The following CTBP2 variants were observed in gnomAD, a reference collection of about 807,000 sequenced individuals.
CTBP2 encodes C-terminal-binding protein 2.
Under a neutral mutation model 80.3 loss-of-function variants are expected in CTBP2, and 30 were observed. The ratio of observed to expected loss-of-function variants is 0.37; its 90% CI spans 0.28 to 0.51. The LOEUF is 0.51. Ranked by LOEUF, CTBP2 falls within the 20% of genes least tolerant of loss-of-function variation. The probability of loss-of-function intolerance (pLI) is 0.93; values close to 1 mark genes in which losing one functional copy is unlikely to be tolerated. For synonymous variants in CTBP2, 594 were observed against 587.4 expected (o/e 1.01, Z -0.16); for missense variants, 1,212 against 1,375.3 (o/e 0.88, Z 1.88).
chr10:125,021,747 T>A (rs1219677803), intron 1 of CTBP2, among the ~76,000 whole-genome samples: 1 of 152,100 alleles, frequency 6.6e-6, no homozygotes, highest in Non-Finnish European at 1.5e-5. Flanking sequence ...AGGGGCACAC[T>A]GAATGCAGGG....
intron 1 of CTBP2, among the ~76,000 whole-genome samples, chr10:125,022,170 G>A (rs1324097799): frequency 1.3e-5 from 2 of 152,158 alleles, no homozygotes; most frequent in African/African-American, 2.4e-5. Context: ...GCGGTGCTGA[G>A]CTCTGCCCTT....
intron 2 of CTBP2, among the ~76,000 whole-genome samples, chr10:125,049,046 G>GACACACAC (rs1178000125): frequency 0.024 from 2,194 of 89,594 alleles, 70 homozygotes; most frequent in East Asian, 0.045. Flanking sequence ...CCTGACCACA[G>GACACACAC]ACACACACAC....
At chr10:125,099,382 A>C (rs1850252903) in intron 2 of CTBP2, among the ~76,000 whole-genome samples, 1 of 152,216 alleles carries the variant, frequency 6.6e-6, no homozygotes, top group African/African-American at 2.4e-5. Context: ...TGGCTGGACC[A>C]TTCTGGGCCC....
chr10:125,110,682 C>A (rs1852159185), intron 2 of CTBP2, among the ~76,000 whole-genome samples: 1 of 152,128 alleles, frequency 6.6e-6, no homozygotes, highest in Non-Finnish European at 1.5e-5. Flanking sequence ...AACACTATTT[C>A]CATTCTGACT....
chr10:125,095,791 AG>A (rs1564906769), intron 2 of CTBP2, among the ~76,000 whole-genome samples: 1 of 152,232 alleles, frequency 6.6e-6, no homozygotes, highest in Admixed American at 6.5e-5. Context: ...CAGTTTCTGT[AG>A]GAAGTAGTAG....
intron 2 of CTBP2, among the ~76,000 whole-genome samples, chr10:125,041,463 CG>C (rs922610824): frequency 2.8e-5 from 4 of 145,036 alleles, no homozygotes; most frequent in Admixed American, 7.2e-5. Context: ...GGAGTGGGGG[CG>C]GGGGGCCAAA....
intron 3 of CTBP2, among the ~76,000 whole-genome samples, chr10:125,001,974 G>C (rs560474968): frequency 1.3e-5 from 2 of 152,298 alleles, no homozygotes; most frequent in South Asian, 2.1e-4. Flanking sequence ...CTCACACACA[G>C]AGCCCATCTG....
At chr10:125,093,158 C>T (rs1255593177) in intron 2 of CTBP2, among the ~76,000 whole-genome samples, 2 of 152,220 alleles carry the variant, frequency 1.3e-5, no homozygotes, top group South Asian at 2.1e-4. Context: ...ATCCATCCTG[C>T]GTGCTTTCTA....
chr10:125,016,619 G>A (rs1244660783), intron 1 of CTBP2, among the ~76,000 whole-genome samples: 1 of 152,216 alleles, frequency 6.6e-6, no homozygotes, highest in Non-Finnish European at 1.5e-5. Context: ...CTCGTTTTTC[G>A]AGTGGTCCTA....
intron 1 of CTBP2, among the ~76,000 whole-genome samples, chr10:125,118,744 C>T (rs1044901597): frequency 7.9e-5 from 12 of 152,018 alleles, no homozygotes; most frequent in South Asian, 2.1e-4. Context: ...GGATGGGGAA[C>T]GCTTAAAATC....
intron 1 of CTBP2, among the ~76,000 whole-genome samples, chr10:125,112,181 C>T (rs1035925022): frequency 1.0e-4 from 15 of 147,776 alleles, no homozygotes; most frequent in African/African-American, 3.5e-4. Flanking sequence ...GGCGCGATCT[C>T]GGCTCACTGC....
At chr10:125,043,594 C>T (rs1365488394) in intron 2 of CTBP2, among the ~76,000 whole-genome samples, 3 of 152,198 alleles carry the variant, frequency 2.0e-5, no homozygotes, top group South Asian at 4.1e-4. Context: ...GCCGCCACCA[C>T]GCCCGGCTAC....
At chr10:125,074,332 C>T (rs1423472258) in intron 2 of CTBP2, among the ~76,000 whole-genome samples, 1 of 152,190 alleles carries the variant, frequency 6.6e-6, no homozygotes, top group Non-Finnish European at 1.5e-5. Flanking sequence ...GGGATGCACC[C>T]TCTGCAGTGA....
chr10:125,008,121 T>A (rs1955464102), intron 1 of CTBP2, among the ~76,000 whole-genome samples: 1 of 152,186 alleles, frequency 6.6e-6, no homozygotes, highest in South Asian at 2.1e-4. Context: ...TAATTTTGTA[T>A]TTTTAGCAGA....
At chr10:125,063,918 C>T (rs1844224081) in intron 2 of CTBP2, among the ~76,000 whole-genome samples, 1 of 151,930 alleles carries the variant, frequency 6.6e-6, no homozygotes, top group East Asian at 1.9e-4. Context: ...TTTTCCCCCA[C>T]CCCCAGGCTG....
chr10:125,116,767 A>G (rs771986007), intron 1 of CTBP2, among the ~76,000 whole-genome samples: 3 of 152,188 alleles, frequency 2.0e-5, no homozygotes, highest in Non-Finnish European at 2.9e-5. Flanking sequence ...TGGCATGGAA[A>G]GTGGTGCCAG....
rs573805221 is a variant in CTBP2, at chr10:125,027,859, C to A, written c.-100G>T. ...CAGACCTGGCTGTGTGCTAACCCTTCCGAGACGGCAGGGACAACCAACTGG... is the reference window on the plus strand; with the variant it reads ...CAGACCTGGCTGTGTGCTAACCCTTACGAGACGGCAGGGACAACCAACTGG... On this transcript the variant is annotated 5_prime_UTR_variant, in exon 1 of 9. Coordinates refer to ENST00000309035, the MANE Select transcript of CTBP2 (RefSeq NM_022802.3). The A allele has an allele frequency of 2.1e-6, 3 of 1,429,220 alleles. No homozygotes were observed. The highest frequency in any genetic ancestry group is 5.7e-5 in the Admixed American group (2 of 35,062). 88.5% of individuals were successfully genotyped at this position (1,429,220 alleles called of 1,614,324 possible).
intron 1 of CTBP2, among the ~76,000 whole-genome samples, chr10:125,151,671 G>A (rs943220383): frequency 6.6e-6 from 1 of 152,232 alleles, no homozygotes; most frequent in Non-Finnish European, 1.5e-5. Flanking sequence ...CTGCGGGGTG[G>A]AGGCGGCTCT....
intron 1 of CTBP2, among the ~76,000 whole-genome samples, chr10:125,018,698 C>G (rs1490262362): frequency 1.3e-5 from 2 of 152,238 alleles, no homozygotes; most frequent in Non-Finnish European, 2.9e-5. Context: ...GAGGCACATT[C>G]CATGGGCCAC....
Sources: gnomAD v4.1 joint callset for allele counts (sites outside exome capture counted in the v4.1 genomes callset) on GRCh38, gnomAD v4.1.1 for gene constraint, MANE v1.5 for transcripts, NCBI Gene and HGNC (gene_info 2026-07-23, HGNC 2026-07-21) for gene names.